NARS2: variants seen among roughly 807,000 people sequenced by gnomAD.
The protein encoded by NARS2 is asparaginyl-tRNA synthetase.
NARS2 carries 60 observed loss-of-function variants against 62.9 expected under a neutral mutation model. The observed-to-expected ratio is 0.95, with a 90% CI of 0.77 to 1.18. The LOEUF is 1.18. Among genes scored for constraint, NARS2 ranks in the 50% most tolerant of loss-of-function variants. The pLI is 0.00. For missense variants in NARS2, 619 were observed against 576.4 expected, an observed-to-expected ratio of 1.07 and a Z score of -0.76; for synonymous variants, 196 against 200.0, an observed-to-expected ratio of 0.98 and a Z score of 0.17.
At chr11:78,544,541 C>T (rs1001590798) in intron 5 of NARS2, among the ~76,000 whole-genome samples, 1 of 152,154 alleles carries the variant, frequency 6.6e-6, no homozygotes, top group Non-Finnish European at 1.5e-5. Context: ...TGCCTGTAAT[C>T]CCAGCACTTG....
chr11:78,488,225 C>A (rs1229004440), intron 7 of NARS2, among the ~76,000 whole-genome samples: 1 of 132,744 alleles, frequency 7.5e-6, no homozygotes, highest in Admixed American at 7.4e-5. Context: ...AGTGTGTTAG[C>A]CTACCTGGTA....
At chr11:78,571,607 A>G (rs1475791661) in intron 1 of NARS2, 163 bp from the exon 2 acceptor site, 1 of 570,274 alleles carries the variant, frequency 1.8e-6, no homozygotes, top group Non-Finnish European at 3.2e-6. Context: ...TATATGTTCC[A>G]ATCACAATAG....
intron 10 of NARS2, 80 bp downstream of exon 10, chr11:78,469,167 A>G (rs1858758883): frequency 2.1e-6 from 2 of 948,860 alleles, no homozygotes; most frequent in South Asian, 2.9e-5. Flanking sequence ...GATGATTTTG[A>G]AAGATTCTTA....
chr11:78,555,784 T>C (rs954555652), intron 5 of NARS2, among the ~76,000 whole-genome samples: 1 of 152,206 alleles, frequency 6.6e-6, no homozygotes, highest in African/African-American at 2.4e-5. Flanking sequence ...GTTGTTAATC[T>C]GAGAACTTTC....
intron 4 of NARS2, among the ~76,000 whole-genome samples, chr11:78,563,360 G>C (rs1856617349): frequency 2.6e-5 from 4 of 151,282 alleles, no homozygotes; most frequent in Admixed American, 2.6e-4. Context: ...TGGGACTACA[G>C]GCACGCAACA....
At chr11:78,552,228 A>C (rs771371651) in intron 5 of NARS2, among the ~76,000 whole-genome samples, 20 of 152,154 alleles carry the variant, frequency 1.3e-4, no homozygotes, top group Non-Finnish European at 5.9e-5. Context: ...TCCCACTTAC[A>C]AGTGAGAACA....
At chr11:78,443,612 G>T in intron 12 of NARS2, 49 bp downstream of exon 12, 2 of 1,374,778 alleles carry the variant, frequency 1.5e-6, no homozygotes, top group Non-Finnish European at 1.0e-6. Context: ...ACCTTTGAGC[G>T]CCTTATGCTC....
chr11:78,473,560 C>G (rs962869766), intron 9 of NARS2, among the ~76,000 whole-genome samples: 1 of 152,194 alleles, frequency 6.6e-6, no homozygotes, highest in Non-Finnish European at 1.5e-5. Context: ...TTATCACCAA[C>G]TGAAGACAAT....
intron 5 of NARS2, among the ~76,000 whole-genome samples, chr11:78,544,040 ACT>A (rs1473458237): frequency 2.0e-5 from 3 of 148,658 alleles, no homozygotes; most frequent in Non-Finnish European, 4.5e-5. Context: ...AAAAAAAAAA[ACT>A]CTCTCTCACT....
chr11:78,479,259 A>T (rs1384277835), intron 7 of NARS2, among the ~76,000 whole-genome samples: 1 of 152,236 alleles, frequency 6.6e-6, no homozygotes, highest in Non-Finnish European at 1.5e-5. Flanking sequence ...AAAATAACAT[A>T]AAACAGCATA....
At chr11:78,554,708 T>A (rs1052422953) in intron 5 of NARS2, among the ~76,000 whole-genome samples, 10 of 152,220 alleles carry the variant, frequency 6.6e-5, no homozygotes, top group Non-Finnish European at 1.5e-4. Context: ...AGAATCATGT[T>A]GTCTGCAAAC....
At chr11:78,509,727 G>A (rs1590794852) in intron 6 of NARS2, among the ~76,000 whole-genome samples, 2 of 151,314 alleles carry the variant, frequency 1.3e-5, no homozygotes, top group Admixed American at 1.3e-4. Flanking sequence ...GCTGTTAAAA[G>A]TGCAGTCAAG....
intron 5 of NARS2, among the ~76,000 whole-genome samples, chr11:78,548,076 G>A (rs1855948521): frequency 2.6e-5 from 4 of 152,144 alleles, no homozygotes; most frequent in African/African-American, 9.7e-5. Context: ...TTAGCCAGGT[G>A]TGGTGGTGTG....
In NARS2 at chr11:78,528,935, G is replaced by C. The variant is rs1463373267; in HGVS notation, c.596C>G (p.Pro199Arg). 3 of 1,605,166 alleles carry C rather than the reference G, an allele frequency of 1.9e-6. No individual in the cohort carries two copies. Residue 199 changes from proline (P) to arginine (R), a missense_variant and splice_region_variant, in exon 6 of 14, where the codon CCT becomes CGT. By Grantham distance (103) the Pro-to-Arg change is moderately radical. Coordinates refer to ENST00000281038, the MANE Select transcript of NARS2 (RefSeq NM_024678.6). ...EGAGELFQLEPSGKLKVPEEN... is the reference protein window; with the variant it reads ...EGAGELFQLERSGKLKVPEEN... The stretch of plus-strand genomic sequence containing the variant: ...CTCAGGTACCTTAAGTTTGCCTGAA[G>C]GCTGCAAATCAAAAACATAAGCCAC...
At chr11:78,528,072 C>T (rs1182061686) in intron 6 of NARS2, among the ~76,000 whole-genome samples, 1 of 152,048 alleles carries the variant, frequency 6.6e-6, no homozygotes, top group Non-Finnish European at 1.5e-5. Context: ...AGCAAGACCC[C>T]ATCTCTACAA....
chr11:78,516,300 T>C (rs1380786453), intron 6 of NARS2, among the ~76,000 whole-genome samples: 1 of 152,188 alleles, frequency 6.6e-6, no homozygotes, highest in Non-Finnish European at 1.5e-5. Context: ...AAGAGCTACA[T>C]TAACTGGATT....
intron 5 of NARS2, among the ~76,000 whole-genome samples, chr11:78,540,739 A>G (rs910833208): frequency 6.6e-6 from 1 of 152,234 alleles, no homozygotes; most frequent in African/African-American, 2.4e-5. Context: ...CATGAAGAAA[A>G]GGGAGAGTAC....
chr11:78,473,697 C>A (rs1016666222), intron 9 of NARS2, among the ~76,000 whole-genome samples: 2 of 152,220 alleles, frequency 1.3e-5, no homozygotes, highest in Non-Finnish European at 2.9e-5. Flanking sequence ...TGTTTTGTCT[C>A]TATCCTTAAG....
chr11:78,553,413 T>C (rs926812122), intron 5 of NARS2, among the ~76,000 whole-genome samples: 2 of 152,064 alleles, frequency 1.3e-5, no homozygotes, highest in African/African-American at 4.8e-5. Flanking sequence ...CTCAGCCTCC[T>C]GAGTAGCTGG....
Sources: gnomAD v4.1 joint callset for allele counts (sites outside exome capture counted in the v4.1 genomes callset) on GRCh38, gnomAD v4.1.1 for gene constraint, MANE v1.5 for transcripts, NCBI Gene and HGNC (gene_info 2026-07-23, HGNC 2026-07-21) for gene names.